CDK5RAP2: variants seen among roughly 807,000 people sequenced by gnomAD.
CDK5RAP2 encodes the protein CDK5 regulatory subunit associated protein 2, also known as CDK5 regulatory subunit-associated protein 2.
Under a neutral mutation model 232.9 loss-of-function variants are expected in CDK5RAP2, and 147 were observed. That is an observed-to-expected ratio of 0.63 (90% CI 0.55 to 0.72). The LOEUF is 0.72. Among genes scored for constraint, CDK5RAP2 ranks in the 30% least tolerant of loss-of-function variants. The pLI, the probability that CDK5RAP2 is intolerant of heterozygous loss-of-function variation, is 0.00. For missense variants in CDK5RAP2, 2,195 were observed against 2,231.5 expected (o/e 0.98, Z 0.33); for synonymous variants, 833 against 833.7 (o/e 1.00, Z 0.01).
intron 3 of CDK5RAP2, among the ~76,000 whole-genome samples, chr9:120,566,615 A>G (rs1327212475): frequency 6.6e-6 from 1 of 152,256 alleles, no homozygotes; most frequent in Non-Finnish European, 1.5e-5. Flanking sequence ...CTTTGCAAAT[A>G]TTCACTCATT....
intron 14 of CDK5RAP2, among the ~76,000 whole-genome samples, chr9:120,486,632 G>A (rs1324669627): frequency 3.9e-5 from 6 of 152,096 alleles, no homozygotes; most frequent in African/African-American, 1.2e-4. Context: ...AAGGTGGATC[G>A]TGTAACTCCA....
intron 15 of CDK5RAP2, among the ~76,000 whole-genome samples, chr9:120,477,036 G>A (rs2038052272): frequency 1.3e-5 from 2 of 152,168 alleles, no homozygotes; most frequent in African/African-American, 4.8e-5. Flanking sequence ...AGGCTGTGAG[G>A]ATCATATGAG....
chr9:120,486,243 C>A (rs992857685), intron 14 of CDK5RAP2, among the ~76,000 whole-genome samples: 1 of 152,118 alleles, frequency 6.6e-6, no homozygotes, highest in African/African-American at 2.4e-5. Context: ...GTGCCCGAGT[C>A]TTTTCTGAAG....
chr9:120,462,901 G>A (rs2055872253), intron 18 of CDK5RAP2, among the ~76,000 whole-genome samples: 1 of 152,212 alleles, frequency 6.6e-6, no homozygotes, highest in Non-Finnish European at 1.5e-5. Context: ...GTACTTGGGG[G>A]AAGTATACTG....
At chr9:120,513,297 A>C (rs970055329) in intron 12 of CDK5RAP2, among the ~76,000 whole-genome samples, 1 of 152,122 alleles carries the variant, frequency 6.6e-6, no homozygotes, top group Non-Finnish European at 1.5e-5. Flanking sequence ...CCATCAGACT[A>C]GTCTTTCTAA....
intron 23 of CDK5RAP2, among the ~76,000 whole-genome samples, chr9:120,442,314 G>A (rs770228528): frequency 1.3e-5 from 2 of 152,142 alleles, no homozygotes; most frequent in Non-Finnish European, 2.9e-5. Flanking sequence ...CCTGTACCGC[G>A]GTGCATGAGC....
chr9:120,415,090 T>C lies in CDK5RAP2; in HGVS notation c.4247A>G (p.Asn1416Ser). 1 of 1,614,228 alleles carries C rather than the reference T, an allele frequency of 6.2e-7. No homozygotes were observed. The change falls in exon 28 of 38, where the codon AAT (asparagine) becomes AGT (serine). Residue 1416 changes from asparagine to serine, a missense_variant. Physicochemically the swap from Asn to Ser is conservative, Grantham distance 46. Transcript: ENST00000349780. ...RKRLEESIKT[N>S]EKLRKQLERQ... is the part of the protein sequence containing the mutation. ...TTCCAACTGTTTCCGTAGCTTCTCATTTGTTTTAATAGATTCTTCTAAACG... is the reference window on the plus strand; with the variant it reads ...TTCCAACTGTTTCCGTAGCTTCTCACTTGTTTTAATAGATTCTTCTAAACG...
Position 120,437,442 on chromosome 9 carries a change from A to G in CDK5RAP2, c.3808T>C (p.Ser1270Pro), listed in dbSNP as rs1242881730. 6.2e-7 allele frequency: 1 copy of G among 1,614,058 alleles called. No homozygotes were observed. Among genetic ancestry groups the G allele is most frequent in the South Asian group, 1.1e-5 (1 of 91,076 alleles). Residue 1270 changes from serine (S) to proline (P), a missense_variant, in exon 25 of 38, where the codon TCC (serine) becomes CCC (proline). Physicochemically the swap from Ser to Pro is moderately conservative, Grantham distance 74 (BLOSUM62 -1). Transcript: ENST00000349780. Reference sequence around the variant, plus strand: ...ATCATGGTGTTCATGTGTTGACGGGAGATGACACAGATGCCATGGCCATCC... The same window carrying G: ...ATCATGGTGTTCATGTGTTGACGGGGGATGACACAGATGCCATGGCCATCC... The part of the protein sequence containing the change: ...IKDGHGICVI[S>P]RQHMNTMIKA...
chr9:120,567,704 G>C (rs1564387186), intron 3 of CDK5RAP2, among the ~76,000 whole-genome samples: 2 of 152,152 alleles, frequency 1.3e-5, no homozygotes, highest in Admixed American at 6.5e-5. Context: ...CACAGTACTA[G>C]GTACAGGCTA....
rs531089015 is a variant in CDK5RAP2, at chr9:120,530,057, C to T, written c.746G>A (p.Cys249Tyr). ...TCCAGATGACACATTCTCATCAGGA[C>T]ATGCCATCTGAGATTTCTCCTCTTT... Reference protein sequence around the residue: ...CLKEEKSQMACPDENVSSGEL... With the variant: ...CLKEEKSQMAYPDENVSSGEL... Residue 249 changes from cysteine (C) to tyrosine (Y), a missense_variant, in exon 8 of 38, where the codon TGT becomes TAT. Physicochemically the swap from Cys to Tyr is radical, Grantham distance 194. Coordinates refer to ENST00000349780, the MANE Select transcript of CDK5RAP2 (RefSeq NM_018249.6). The T allele has an allele frequency of 1.9e-6, 3 of 1,613,498 alleles. No individual in the cohort carries two copies. In the South Asian group the frequency reaches 3.3e-5, roughly 18 times the overall value.
intron 36 of CDK5RAP2, among the ~76,000 whole-genome samples, chr9:120,391,463 G>A (rs568660229): frequency 1.2e-3 from 187 of 152,360 alleles, no homozygotes; most frequent in African/African-American, 4.4e-3. Context: ...CACCTCAGCA[G>A]AGTGCTGGGA....
chr9:120,453,601 A>C lies in CDK5RAP2; in HGVS notation c.2648T>G (p.Leu883Arg), dbSNP rs1182136448. 7.4e-6 allele frequency: 12 copies of C among 1,614,138 alleles called. No homozygotes were observed. The highest frequency in any genetic ancestry group is 1.0e-5 in the Non-Finnish European group (12 of 1,180,026). ...VQTVATEGDL[L>R]RFKHEATREA... Reference sequence around the variant, plus strand: ...TCTTGTTGCTTCATGCTTGAATCTCAGCAGGTCGCCCTCCGTGGCCACAGT... The same window carrying C: ...TCTTGTTGCTTCATGCTTGAATCTCCGCAGGTCGCCCTCCGTGGCCACAGT... Residue 883 changes from leucine (L) to arginine (R), a missense_variant, in exon 21 of 38, where the codon CTG (leucine) becomes CGG (arginine). By Grantham distance (102) the Leu-to-Arg change is moderately radical. Coordinates refer to ENST00000349780, the MANE Select transcript of CDK5RAP2 (RefSeq NM_018249.6).
At chr9:120,498,379 A>C (rs2039417538) in intron 12 of CDK5RAP2, among the ~76,000 whole-genome samples, 1 of 152,232 alleles carries the variant, frequency 6.6e-6, no homozygotes, top group African/African-American at 2.4e-5. Context: ...AGAACATTTC[A>C]CAAAATAACT....
chr9:120,546,996 G>GT (rs1554780030), intron 4 of CDK5RAP2, among the ~76,000 whole-genome samples: 18 of 122,280 alleles, frequency 1.5e-4, no homozygotes, highest in South Asian at 2.7e-4. Context: ...CGTTTTTTTT[G>GT]TTTTTTTGAG....
chr9:120,536,332 A>G, intron 7 of CDK5RAP2, 40 bp downstream of exon 7: 1 of 1,608,280 alleles, frequency 6.2e-7, no homozygotes. Flanking sequence ...ACGCTGCCAG[A>G]TAATGTGATG....
chr9:120,427,261 TA>T (rs1331338898), intron 25 of CDK5RAP2, among the ~76,000 whole-genome samples: 1 of 152,086 alleles, frequency 6.6e-6, no homozygotes, highest in Non-Finnish European at 1.5e-5. Flanking sequence ...CCAATGAGCT[TA>T]AAAAACAAAA....
chr9:120,572,573 C>G (rs1048361471), intron 1 of CDK5RAP2, among the ~76,000 whole-genome samples: 2 of 152,150 alleles, frequency 1.3e-5, no homozygotes, highest in Non-Finnish European at 2.9e-5. Context: ...ATTCACTGAT[C>G]CAAGAAGTTG....
At position 120,497,647 on chromosome 9, in the gene CDK5RAP2, C is replaced by T. The variant is rs145990707; in HGVS notation, c.1312-6170G>A. Among the ~76,000 whole-genome samples, 1,108 of 152,188 alleles carry T rather than the reference C, an allele frequency of 7.3e-3. 12 individuals carry two copies. The highest frequency in any genetic ancestry group is 0.025 in the African/African-American group (1,022 of 41,518). ...CATCAATAATGACAGACTGACATTA[C>T]GCACCTCCAAATACAATACACTAAG... On this transcript the variant is annotated intron_variant, in intron 12 of 37. Coordinates refer to ENST00000349780, the MANE Select transcript of CDK5RAP2 (RefSeq NM_018249.6).
chr9:120,512,815 C>T (rs1371314261), intron 12 of CDK5RAP2, among the ~76,000 whole-genome samples: 3 of 152,168 alleles, frequency 2.0e-5, no homozygotes, highest in African/African-American at 7.2e-5. Context: ...TTTCTATGCC[C>T]AAACCCAGGG....
Sources: allele counts gnomAD v4.1 joint callset (sites outside exome capture counted in the v4.1 genomes callset), GRCh38; gene constraint gnomAD v4.1.1; transcripts MANE v1.5; gene names NCBI Gene and HGNC (gene_info 2026-07-23, HGNC 2026-07-21).